RALGAPA1: variants seen among roughly 807,000 people sequenced by gnomAD.
RALGAPA1 encodes the protein ral GTPase-activating protein subunit alpha-1.
Under a neutral mutation model 269.6 loss-of-function variants are expected in RALGAPA1, and 52 were observed. The observed-to-expected ratio is 0.19, with a 90% CI of 0.15 to 0.24. The LOEUF (loss-of-function observed/expected upper bound fraction) is 0.24. RALGAPA1 is among the 10% of genes least tolerant of loss of function. RALGAPA1 has a pLI of 1.00. For synonymous variants in RALGAPA1, 817 were observed against 1,008.3 expected (o/e 0.81, Z 3.60); for missense variants, 1,917 against 3,013.9 (o/e 0.64, Z 8.52).
intron 21 of RALGAPA1, among the ~76,000 whole-genome samples, chr14:35,679,696 G>T (rs1046228568): frequency 2.0e-5 from 3 of 151,048 alleles, no homozygotes; most frequent in African/African-American, 7.4e-5. Flanking sequence ...AGTCAAGGAC[G>T]ATCTACATTT....
chr14:35,586,629 T>C (rs1481395585), intron 37 of RALGAPA1, among the ~76,000 whole-genome samples: 2 of 152,232 alleles, frequency 1.3e-5, no homozygotes, highest in Non-Finnish European at 2.9e-5. Context: ...GTCCCATCAA[T>C]ACCTAGTTTA....
At chr14:35,764,248 G>A (rs574604801) in intron 4 of RALGAPA1, among the ~76,000 whole-genome samples, 1 of 151,982 alleles carries the variant, frequency 6.6e-6, no homozygotes, top group South Asian at 2.1e-4. Context: ...GCACCACCAG[G>A]TCTGGCTAAT....
intron 11 of RALGAPA1, among the ~76,000 whole-genome samples, chr14:35,739,705 C>T (rs1310831146): frequency 1.3e-5 from 2 of 152,098 alleles, no homozygotes; most frequent in African/African-American, 2.4e-5. Flanking sequence ...CTGTCCTCTC[C>T]CTTATATTTC....
chr14:35,568,106 A>G (rs537512578), intron 39 of RALGAPA1, among the ~76,000 whole-genome samples: 6 of 152,290 alleles, frequency 3.9e-5, no homozygotes, highest in African/African-American at 1.4e-4. Flanking sequence ...TCAGGAGACA[A>G]CAAACTGAAA....
chr14:35,577,100 C>T (rs755465157), intron 37 of RALGAPA1, among the ~76,000 whole-genome samples: 12 of 152,174 alleles, frequency 7.9e-5, no homozygotes, highest in Non-Finnish European at 1.6e-4. Context: ...GTGATCACTA[C>T]ACTTCATTAT....
chr14:35,732,846 C>G (rs2070633623), intron 12 of RALGAPA1, among the ~76,000 whole-genome samples: 1 of 152,112 alleles, frequency 6.6e-6, no homozygotes, highest in Non-Finnish European at 1.5e-5. Context: ...CAGGTCAAGA[C>G]AGAAAGACAA....
intron 17 of RALGAPA1, among the ~76,000 whole-genome samples, chr14:35,696,981 T>C (rs2066950472): frequency 6.6e-6 from 1 of 152,190 alleles, no homozygotes. Flanking sequence ...AAAAGTATGA[T>C]TGGTTGATGA....
rs1203238192 is a variant in RALGAPA1, at chr14:35,680,621, T to C, written c.4472-2519A>G. 1.3e-5 allele frequency among the ~76,000 whole-genome samples: 2 copies of C among 152,030 alleles called. 1 individual carries two copies. The highest frequency in any genetic ancestry group is 2.9e-5 in the Non-Finnish European group (2 of 68,004). On this transcript the variant is annotated intron_variant, in intron 21 of 41. Transcript: ENST00000680220. The stretch of plus-strand genomic sequence containing the variant: ...ATTTATTTATTTATTTTTTGCTTTT[T>C]TGTTTTTGTTTGAGACAGAGTCTCG...
chr14:35,796,134 G>T (rs188169730), intron 1 of RALGAPA1, among the ~76,000 whole-genome samples: 1 of 152,230 alleles, frequency 6.6e-6, no homozygotes. Flanking sequence ...TAGCAGAGAA[G>T]TATATCATTT....
Position 35,723,352 on chromosome 14 carries a change from A to G in RALGAPA1, c.1867-88T>C, listed in dbSNP as rs568023186. 1.4e-3 allele frequency: 981 copies of G among 699,168 alleles called. 20 individuals carry two copies. The highest frequency in any genetic ancestry group is 0.014 in the South Asian group (564 of 40,758). 43.3% of individuals were successfully genotyped at this position (699,168 alleles called of 1,614,324 possible). On this transcript the variant is annotated intron_variant, in intron 14 of 41. Coordinates refer to ENST00000680220, the MANE Select transcript of RALGAPA1 (RefSeq NM_001346249.2). Reference sequence around the variant, plus strand: ...CATTCAATTCTTAAAAAAATTACTTAAAAACAAGCAACATTTAAAATCGCA... The same window carrying G: ...CATTCAATTCTTAAAAAAATTACTTGAAAACAAGCAACATTTAAAATCGCA...
At chr14:35,786,394 T>G (rs559299563) in intron 1 of RALGAPA1, among the ~76,000 whole-genome samples, 1 of 151,748 alleles carries the variant, frequency 6.6e-6, no homozygotes, top group Admixed American at 6.6e-5. Flanking sequence ...AATCCCAGTA[T>G]TTTGGGAGGC....
intron 4 of RALGAPA1, 62 bp downstream of exon 4, chr14:35,770,880 A>G (rs2074559509): frequency 1.7e-6 from 1 of 593,710 alleles, no homozygotes; most frequent in Admixed American, 3.8e-5. Flanking sequence ...CAACCCATTA[A>G]AGAACATTTT....
intron 16 of RALGAPA1, among the ~76,000 whole-genome samples, chr14:35,702,691 T>C (rs2067452533): frequency 6.7e-6 from 1 of 149,914 alleles, no homozygotes; most frequent in Non-Finnish European, 1.5e-5. Context: ...TGAAACATCA[T>C]CTATAGTTGT....
intron 39 of RALGAPA1, 138 bp downstream of exon 39, chr14:35,570,476 CATA>C: frequency 1.4e-6 from 1 of 692,674 alleles, no homozygotes; most frequent in Non-Finnish European, 2.2e-6. Flanking sequence ...TCCCGGGAAA[CATA>C]ATGATACTCC....
At chr14:35,730,539 A>ACTGCCT (rs879865418) in intron 12 of RALGAPA1, among the ~76,000 whole-genome samples, 28,380 of 152,006 alleles carry the variant, frequency 0.19, 3,429 homozygotes, top group Admixed American at 0.3. Flanking sequence ...CAGTGTTGTT[A>ACTGCCT]GGGCGGGCAT....
intron 22 of RALGAPA1, among the ~76,000 whole-genome samples, chr14:35,675,353 T>C (rs1163422739): frequency 6.6e-6 from 1 of 152,214 alleles, no homozygotes; most frequent in Non-Finnish European, 1.5e-5. Context: ...TTTTTTTGTA[T>C]TTTTAGTTTA....
At chr14:35,610,437 C>A (rs8018040) in intron 35 of RALGAPA1, among the ~76,000 whole-genome samples, 5 of 151,948 alleles carry the variant, frequency 3.3e-5, no homozygotes, top group Admixed American at 6.5e-5. Context: ...TGCCCACCAC[C>A]ACGCCCGGCT....
chr14:35,617,492 CCTGTAATCCCAGCTA>C lies in RALGAPA1; in HGVS notation c.6929+7854_6929+7868del, dbSNP rs2060325171. On this transcript the variant is annotated intron_variant, in intron 35 of 41. Transcript: ENST00000680220. ...AATTAGCTGGGCGTGGTGGCGCATG[CCTGTAATCCCAGCTA>C]CTCAGGAGTCTGAGGCAGGAGAATC... 2.0e-5 allele frequency among the ~76,000 whole-genome samples: 3 copies of C among 152,140 alleles called. No homozygotes were observed. The South Asian group carries it at 6.2e-4, about 32-fold the overall frequency.
intron 41 of RALGAPA1, chr14:35,541,712 C>A (rs2054017078): frequency 2.2e-6 from 1 of 456,698 alleles, no homozygotes. Context: ...TCCCGGCCAT[C>A]ACGAGAGGCC....
Sources: gnomAD v4.1 joint callset for allele counts (sites outside exome capture counted in the v4.1 genomes callset) on GRCh38, gnomAD v4.1.1 for gene constraint, MANE v1.5 for transcripts, NCBI Gene and HGNC (gene_info 2026-07-23, HGNC 2026-07-21) for gene names.